Variants in SCN8A observed in about 807,000 individuals in gnomAD.
SCN8A encodes the protein sodium voltage-gated channel alpha subunit 8.
A neutral mutation model predicts 184.1 loss-of-function variants in SCN8A; 30 were observed. The observed-to-expected ratio is 0.16, with a 90% CI of 0.12 to 0.22. The LOEUF (loss-of-function observed/expected upper bound fraction) is 0.22, where lower values mean the gene tolerates loss of function less well. Among genes scored for constraint, SCN8A ranks in the 10% least tolerant of loss-of-function variants. The pLI is 1.00. For missense variants in SCN8A, 1,057 were observed against 2,498.9 expected (o/e 0.42, Z 12.30); for synonymous variants, 852 against 907.0 (o/e 0.94, Z 1.09).
chr12:51,613,210 G>A (rs1464713502), intron 1 of SCN8A, among the ~76,000 whole-genome samples: 1 of 152,038 alleles, frequency 6.6e-6, no homozygotes, highest in Non-Finnish European at 1.5e-5. Context: ...AGATTTTGTA[G>A]AATTCTCCAG....
At chr12:51,628,812 A>G (rs917014499) in intron 1 of SCN8A, among the ~76,000 whole-genome samples, 1 of 152,184 alleles carries the variant, frequency 6.6e-6, no homozygotes, top group African/African-American at 2.4e-5. Flanking sequence ...CTAGTTGTAT[A>G]TTAGTAAGTA....
chr12:51,592,156 C>T (rs1368653632), intron 1 of SCN8A, among the ~76,000 whole-genome samples: 1 of 148,958 alleles, frequency 6.7e-6, no homozygotes, highest in Non-Finnish European at 1.5e-5. Context: ...TTCTTGTTAG[C>T]GTTGGGGTAC....
At chr12:51,609,303 T>A (rs936074031) in intron 1 of SCN8A, among the ~76,000 whole-genome samples, 10 of 152,234 alleles carry the variant, frequency 6.6e-5, no homozygotes, top group Admixed American at 6.5e-4. Flanking sequence ...ATAGTTTAAA[T>A]CCCTTGTTAA....
Position 51,806,230 on chromosome 12 carries a change from G to C in SCN8A, c.4796-52G>C, listed in dbSNP as rs1938698620. On this transcript the variant is annotated intron_variant, in intron 26 of 26. Coordinates refer to ENST00000627620, the MANE Select transcript of SCN8A (RefSeq NM_001330260.2). The surrounding 1 kb of genome is among the most constrained non-coding windows in gnomAD (Gnocchi z 8.7). ...CAATGCCAGGTAAAAAAAATAAAGA[G>C]AAAGGGTGTCTCCCATCTCAATAAC... The C allele has an allele frequency of 6.1e-6, 9 of 1,469,534 alleles. No individual in the cohort carries two copies. In the African/African-American group the frequency reaches 7.0e-5, roughly 11 times the overall value. 91.0% of individuals were successfully genotyped at this position (1,469,534 alleles called of 1,614,324 possible). A position where few individuals can be genotyped will look rare whatever the true frequency, so the allele number is the denominator to read the frequency against.
chr12:51,706,823 T>C, intron 11 of SCN8A, 108 bp downstream of exon 11: 1 of 786,968 alleles, frequency 1.3e-6, no homozygotes, highest in Non-Finnish European at 1.8e-6. Context: ...TACCGTTCAG[T>C]GTTAAGCACA....
intron 14 of SCN8A, among the ~76,000 whole-genome samples, chr12:51,761,616 G>T (rs1020452542): frequency 6.6e-6 from 1 of 151,722 alleles, no homozygotes; most frequent in Admixed American, 6.6e-5. Context: ...CAGCCTCCTG[G>T]TCCCTGGTAC....
chr12:51,721,590 C>T lies in SCN8A; in HGVS notation c.1680C>T (p.Asn560=), dbSNP rs2138782181. ...GCTCGCCCTTCCTCTCCCGCCACAA[C>T]AGCAAGAGCAGCATCTTCAGTTTCA... The part of the protein sequence containing the change: ...IPGSPFLSRH[N]SKSSIFSFRG... Residue 560 remains asparagine, a synonymous_variant, in exon 12 of 27, where the codon AAC becomes AAT. Transcript: ENST00000627620. The T allele has an allele frequency of 6.2e-7, 1 of 1,613,108 alleles. No homozygotes were observed. Among genetic ancestry groups the T allele is most frequent in the Non-Finnish European group, 8.5e-7 (1 of 1,179,538 alleles).
At chr12:51,786,497 C>T in intron 21 of SCN8A, 45 bp from the exon 22 acceptor site, 1 of 1,606,204 alleles carries the variant, frequency 6.2e-7, no homozygotes, top group Non-Finnish European at 8.5e-7. Context: ...AATGTGCTTG[C>T]TCTCATTTCC....
intron 12 of SCN8A, among the ~76,000 whole-genome samples, chr12:51,737,238 T>A (rs894246534): frequency 1.3e-5 from 2 of 152,196 alleles, no homozygotes; most frequent in African/African-American, 2.4e-5. Context: ...AAATAAGGAG[T>A]TAGAGTCCGT....
chr12:51,658,707 G>A lies in SCN8A; in HGVS notation c.-54-4057G>A, dbSNP rs567242105. The stretch of plus-strand genomic sequence containing the variant: ...TTGGGAATGGAGAGAAACTGCTTAT[G>A]TTTTAGAACTAGATAACTGGTAGTG... On this transcript the variant is annotated intron_variant, in intron 1 of 26. Coordinates refer to ENST00000627620, the MANE Select transcript of SCN8A (RefSeq NM_001330260.2). 1.9e-4 allele frequency among the ~76,000 whole-genome samples: 29 copies of A among 152,272 alleles called. 2 individuals are homozygous for A. The South Asian group carries it at 6.0e-3, about 32-fold the overall frequency.
chr12:51,649,264 G>T (rs533232836), intron 1 of SCN8A, among the ~76,000 whole-genome samples: 2 of 152,174 alleles, frequency 1.3e-5, no homozygotes, highest in African/African-American at 2.4e-5. Flanking sequence ...GGCTGGCATC[G>T]TGTGTCTGTC....
intron 3 of SCN8A, among the ~76,000 whole-genome samples, chr12:51,685,019 G>A (rs749065097): frequency 2.0e-5 from 3 of 152,170 alleles, no homozygotes; most frequent in African/African-American, 2.4e-5. Flanking sequence ...GAAGATTACT[G>A]TATCCTCCAA....
intron 14 of SCN8A, among the ~76,000 whole-genome samples, chr12:51,753,284 G>T (rs545828694): frequency 3.7e-4 from 56 of 152,324 alleles, no homozygotes; most frequent in African/African-American, 1.3e-3. Context: ...ACAATTAGCA[G>T]TGGGGAGGGA....
intron 1 of SCN8A, among the ~76,000 whole-genome samples, chr12:51,615,829 C>T (rs1017433287): frequency 6.6e-6 from 1 of 152,144 alleles, no homozygotes; most frequent in Non-Finnish European, 1.5e-5. Context: ...GTGATCCTCT[C>T]ACCTCAGCCT....
chr12:51,792,038 G>A (rs303814), intron 25 of SCN8A, among the ~76,000 whole-genome samples: 93,782 of 151,960 alleles, frequency 0.62, 31,475 homozygotes, highest in Non-Finnish European at 0.76. Context: ...GCTTATAATA[G>A]TTGGGGAGAT....
chr12:51,724,463 A>G (rs1188880266), intron 12 of SCN8A, among the ~76,000 whole-genome samples: 2 of 151,640 alleles, frequency 1.3e-5, no homozygotes, highest in African/African-American at 4.8e-5. Context: ...AAGAAAAAAC[A>G]AAACAAAACA....
intron 12 of SCN8A, 171 bp downstream of exon 12, chr12:51,722,079 C>A: frequency 3.1e-6 from 3 of 974,130 alleles, no homozygotes; most frequent in Non-Finnish European, 4.6e-6. Flanking sequence ...TTTCTGTGTT[C>A]TTCCTGGCCT....
intron 25 of SCN8A, among the ~76,000 whole-genome samples, chr12:51,794,132 T>C (rs1001231792): frequency 1.3e-5 from 2 of 152,112 alleles, no homozygotes; most frequent in Non-Finnish European, 2.9e-5. Flanking sequence ...GGCAACAGAA[T>C]GAGACTGTGT....
At chr12:51,744,279 A>G (rs1942473049) in intron 12 of SCN8A, among the ~76,000 whole-genome samples, 1 of 152,188 alleles carries the variant, frequency 6.6e-6, no homozygotes, top group South Asian at 2.1e-4. Flanking sequence ...TTCCAGCCCG[A>G]GCGACAGAGC....
Sources: allele counts gnomAD v4.1 joint callset (sites outside exome capture counted in the v4.1 genomes callset), GRCh38; gene constraint gnomAD v4.1.1; non-coding constraint Gnocchi (gnomAD v3.1); transcripts MANE v1.5; gene names NCBI Gene and HGNC (gene_info 2026-07-23, HGNC 2026-07-21).